Variants in HSF2BP observed in about 807,000 individuals in gnomAD.
HSF2BP encodes heat shock factor 2-binding protein.
A neutral mutation model predicts 35.0 loss-of-function variants in HSF2BP; 35 were observed. That is an observed-to-expected ratio of 1.00 (90% CI 0.76 to 1.32). The LOEUF is 1.32. Among genes scored for constraint, HSF2BP ranks in the 40% most tolerant of loss-of-function variants. HSF2BP has a pLI of 0.00. For synonymous variants in HSF2BP, 114 were observed against 117.4 expected (o/e 0.97, Z 0.18); for missense variants, 326 against 321.7 (o/e 1.01, Z -0.10).
intron 8 of HSF2BP, among the ~76,000 whole-genome samples, chr21:43,574,051 G>A (rs1445600886): frequency 6.6e-6 from 1 of 152,152 alleles, no homozygotes; most frequent in Admixed American, 6.5e-5. Context: ...AGGGCCCGAG[G>A]CAGCCTTTCA....
At chr21:43,627,651 A>G (rs1037516584) in intron 6 of HSF2BP, among the ~76,000 whole-genome samples, 3 of 152,152 alleles carry the variant, frequency 2.0e-5, no homozygotes, top group African/African-American at 7.2e-5. Flanking sequence ...ATGTTTACAC[A>G]CTCTCAACCC....
chr21:43,594,758 A>C (rs1376000001), intron 7 of HSF2BP, among the ~76,000 whole-genome samples: 2 of 151,974 alleles, frequency 1.3e-5, no homozygotes, highest in East Asian at 1.9e-4. Flanking sequence ...AGGGAGAAAG[A>C]GAGGTAGGGA....
chr21:43,614,270 G>T (rs961738381), intron 6 of HSF2BP, among the ~76,000 whole-genome samples: 1 of 151,032 alleles, frequency 6.6e-6, no homozygotes, highest in South Asian at 2.1e-4. Flanking sequence ...GGTAGAGGCA[G>T]AAGGATTGCT....
At chr21:43,623,409 GAACA>G (rs1167217382) in intron 6 of HSF2BP, among the ~76,000 whole-genome samples, 2 of 151,772 alleles carry the variant, frequency 1.3e-5, no homozygotes, top group African/African-American at 4.8e-5. Context: ...AAATAGAAAA[GAACA>G]AACTAAACTC....
chr21:43,573,697 G>C (rs530873161), intron 8 of HSF2BP, among the ~76,000 whole-genome samples: 1 of 152,116 alleles, frequency 6.6e-6, no homozygotes, highest in East Asian at 1.9e-4. Context: ...GTGGCGTCCT[G>C]GGGGGAAGGC....
At position 43,636,203 on chromosome 21, in the gene HSF2BP, AGAAAG is replaced by A. The variant is rs1183375918; in HGVS notation, c.292-2787_292-2783del. Reference sequence around the variant, plus strand: ...GACACCATCTCAAGAAAGAAAAAAAAGAAAGAAAAGAAAAGAAAAGAAAAGAAAAG... The same window carrying A: ...GACACCATCTCAAGAAAGAAAAAAAAAAAAGAAAAGAAAAGAAAAGAAAAG... On this transcript the variant is annotated intron_variant, in intron 4 of 8. Transcript: ENST00000291560. Among the ~76,000 whole-genome samples the A allele has an allele frequency of 3.2e-5, 4 of 124,564 alleles. No homozygotes were observed. In the South Asian group the frequency reaches 7.3e-4, roughly 23 times the overall value. The allele number at this position is 124,564 out of a possible 152,430, so 81.7% of individuals were successfully genotyped here. A position where few individuals can be genotyped will look rare whatever the true frequency, so the allele number is the denominator to read the frequency against.
chr21:43,606,443 G>A (rs923547545), intron 7 of HSF2BP, among the ~76,000 whole-genome samples: 2 of 152,146 alleles, frequency 1.3e-5, no homozygotes, highest in African/African-American at 4.8e-5. Flanking sequence ...GGAAAGAGGA[G>A]GGAGGAGGAG....
chr21:43,622,885 A>G, intron 6 of HSF2BP, among the ~76,000 whole-genome samples: 1 of 152,244 alleles, frequency 6.6e-6, no homozygotes, highest in Non-Finnish European at 1.5e-5. Flanking sequence ...TTTCATCAGC[A>G]TATGGAACAT....
chr21:43,574,589 C>T (rs1418470418), intron 8 of HSF2BP, among the ~76,000 whole-genome samples: 1 of 152,176 alleles, frequency 6.6e-6, no homozygotes, highest in East Asian at 1.9e-4. Flanking sequence ...GATCTCCTGA[C>T]CTTGTGATCC....
At chr21:43,596,995 G>T (rs2081996165) in intron 7 of HSF2BP, among the ~76,000 whole-genome samples, 1 of 152,068 alleles carries the variant, frequency 6.6e-6, no homozygotes, top group Admixed American at 6.6e-5. Flanking sequence ...GAAACCTGGG[G>T]ATGACCAGCT....
intron 7 of HSF2BP, among the ~76,000 whole-genome samples, chr21:43,611,412 C>A (rs1292991378): frequency 6.6e-6 from 1 of 152,114 alleles, no homozygotes; most frequent in Non-Finnish European, 1.5e-5. Context: ...GCTATAAATT[C>A]CAAAGAGAAT....
At chr21:43,656,445 T>C in intron 3 of HSF2BP, 142 bp downstream of exon 3, 1 of 809,666 alleles carries the variant, frequency 1.2e-6, no homozygotes, top group Non-Finnish European at 1.9e-6. Context: ...AAACCTCCCT[T>C]TCTTAGGTCA....
chr21:43,588,002 A>G (rs1434009489), intron 8 of HSF2BP, among the ~76,000 whole-genome samples: 1 of 152,238 alleles, frequency 6.6e-6, no homozygotes, highest in Non-Finnish European at 1.5e-5. Context: ...AATTAGCCTA[A>G]GTAGAGACTG....
At position 43,656,679 on chromosome 21, in the gene HSF2BP, G is replaced by T. The variant is rs1022407493; in HGVS notation, c.95C>A (p.Thr32Lys). 2 of 1,613,780 alleles carry T rather than the reference G, an allele frequency of 1.2e-6. No homozygotes were observed. Among genetic ancestry groups the T allele is most frequent in the African/African-American group, 2.7e-5 (2 of 74,872 alleles). Residue 32 changes from threonine to lysine, a missense_variant, in exon 3 of 9, where the codon ACA (threonine) becomes AAA (lysine). Coordinates refer to ENST00000291560, the MANE Select transcript of HSF2BP (RefSeq NM_007031.2). The part of the protein sequence containing the change: ...KVRKKDLERL[T>K]TEVMQIRDFL... Reference sequence around the variant, plus strand: ...GTCCCGTATTTGCATCACTTCAGTTGTCAGCCGTTCCAGATCCTTCTTTCT... The same window carrying T: ...GTCCCGTATTTGCATCACTTCAGTTTTCAGCCGTTCCAGATCCTTCTTTCT...
chr21:43,455,258 C>G, the HSF2BP span, among the ~76,000 whole-genome samples: 1 of 71,930 alleles, frequency 1.4e-5, no homozygotes, highest in African/African-American at 6.3e-5. Flanking sequence ...GGCCCCCCCC[C>G]ACCCTGTGGG....
chr21:43,617,538 T>C (rs2082285312), intron 6 of HSF2BP, among the ~76,000 whole-genome samples: 1 of 151,186 alleles, frequency 6.6e-6, no homozygotes. Context: ...ATTGACTTTG[T>C]TACCATCTAC....
chr21:43,636,577 A>G (rs1047021721), intron 4 of HSF2BP, among the ~76,000 whole-genome samples: 1 of 152,214 alleles, frequency 6.6e-6, no homozygotes, highest in Non-Finnish European at 1.5e-5. Flanking sequence ...AAAATGGGCA[A>G]AAGATTTGAA....
Position 43,616,052 on chromosome 21 carries a change from A to AAAT in HSF2BP, c.575-2106_575-2105insATT, listed in dbSNP as rs57115434. 5.8e-3 allele frequency among the ~76,000 whole-genome samples: 831 copies of AAAT among 143,970 alleles called. 3 individuals are homozygous for AAAT. The highest frequency in any genetic ancestry group is 9.7e-3 in the African/African-American group (378 of 38,898). 94.4% of individuals were successfully genotyped at this position (143,970 alleles called of 152,430 possible). The stretch of plus-strand genomic sequence containing the variant: ...AATACATCGCTGAAGAAAAAAAAAA[A>AAAT]ATATATATATATATATATCATAGCA... On this transcript the variant is annotated intron_variant, in intron 6 of 8. Coordinates refer to ENST00000291560, the MANE Select transcript of HSF2BP (RefSeq NM_007031.2).
chr21:43,496,028 C>A, the HSF2BP span, among the ~76,000 whole-genome samples: 1 of 132,022 alleles, frequency 7.6e-6, no homozygotes, highest in Non-Finnish European at 1.7e-5. Context: ...CACACACACA[C>A]ACACACACAC....
Sources: gnomAD v4.1 joint callset for allele counts (sites outside exome capture counted in the v4.1 genomes callset) on GRCh38, gnomAD v4.1.1 for gene constraint, MANE v1.5 for transcripts, NCBI Gene and HGNC (gene_info 2026-07-23, HGNC 2026-07-21) for gene names.